Variants in KLHDC10 observed in about 807,000 individuals in gnomAD.
The protein encoded by KLHDC10 is kelch domain containing 10.
KLHDC10 carries 24 observed loss-of-function variants against 56.1 expected under a neutral mutation model. The observed-to-expected ratio is 0.43, with a 90% CI of 0.31 to 0.60. The LOEUF (loss-of-function observed/expected upper bound fraction) is 0.60, where lower values mean the gene tolerates loss of function less well. KLHDC10 is among the 20% of genes least tolerant of loss of function. KLHDC10 has a pLI of 0.11. For synonymous variants in KLHDC10, 188 were observed against 207.1 expected, an observed-to-expected ratio of 0.91 and a Z score of 0.79; for missense variants, 349 against 567.0, an observed-to-expected ratio of 0.62 and a Z score of 3.91.
Position 130,096,953 on chromosome 7 carries a change from A to T in KLHDC10, c.199A>T (p.Arg67Trp). 6.2e-7 allele frequency: 1 copy of T among 1,611,596 alleles called. No individual in the cohort carries two copies. Among genetic ancestry groups the T allele is most frequent in the Non-Finnish European group, 8.5e-7 (1 of 1,178,254 alleles). The change falls in exon 2 of 10, where the codon AGG becomes TGG. Residue 67 changes from arginine to tryptophan, a missense_variant. By Grantham distance (101) the Arg-to-Trp change is moderately radical. Around this residue, in one of 2 missense-constraint regions of KLHDC10, gnomAD observed 104 missense variants for 97.0 expected, o/e 1.07. Coordinates refer to ENST00000335420, the MANE Select transcript of KLHDC10 (RefSeq NM_014997.4). ...KKKIRWDPVR[R>W]RFIQSCPIIR... ...GAAAATACGATGGGACCCAGTTAGG[A>T]GGCGCTTCATTCAGTCCTGTCCCAT...
At chr7:130,080,246 C>T (rs1161831069) in intron 1 of KLHDC10, among the ~76,000 whole-genome samples, 1 of 152,046 alleles carries the variant, frequency 6.6e-6, no homozygotes, top group Non-Finnish European at 1.5e-5. Context: ...CTGGCCCTTC[C>T]TTTCTTTTTC....
chr7:130,077,407 A>C (rs1409526088), intron 1 of KLHDC10, among the ~76,000 whole-genome samples: 1 of 147,106 alleles, frequency 6.8e-6, no homozygotes, highest in Non-Finnish European at 1.5e-5. Flanking sequence ...ATTGTCATTC[A>C]AGTATTGTTT....
intron 4 of KLHDC10, among the ~76,000 whole-genome samples, chr7:130,121,363 T>C (rs966614254): frequency 4.6e-5 from 7 of 152,196 alleles, no homozygotes; most frequent in African/African-American, 1.7e-4. Context: ...GTTCCAGCGC[T>C]TCAAACCTTA....
At chr7:130,102,057 G>C (rs1795938540) in intron 2 of KLHDC10, among the ~76,000 whole-genome samples, 1 of 151,638 alleles carries the variant, frequency 6.6e-6, no homozygotes, top group African/African-American at 2.4e-5. Context: ...AGATGGATGA[G>C]GAGAGTGGAA....
chr7:130,125,729 T>C, intron 6 of KLHDC10, 136 bp from the exon 7 acceptor site: 1 of 664,984 alleles, frequency 1.5e-6, no homozygotes, highest in Non-Finnish European at 2.6e-6. Context: ...GGAAAATCAC[T>C]GTACCTTCTG....
intron 6 of KLHDC10, among the ~76,000 whole-genome samples, chr7:130,124,920 G>A (rs569781328): frequency 4.6e-5 from 7 of 152,258 alleles, no homozygotes; most frequent in African/African-American, 7.2e-5. Flanking sequence ...AGGGTTGCAC[G>A]TCATGAACTT....
intron 2 of KLHDC10, among the ~76,000 whole-genome samples, chr7:130,111,791 A>T (rs908398612): frequency 6.6e-6 from 1 of 152,192 alleles, no homozygotes. Context: ...TAGGCAAAGG[A>T]GATGATCCGG....
At chr7:130,117,849 CAAAAAAAAAAAAA>C (rs60800057) in intron 3 of KLHDC10, among the ~76,000 whole-genome samples, 1 of 73,198 alleles carries the variant, frequency 1.4e-5, no homozygotes, top group African/African-American at 5.1e-5. Flanking sequence ...GACCCTGTCT[CAAAAAAAAAAAAA>C]AAAAAAAAAA....
intron 2 of KLHDC10, among the ~76,000 whole-genome samples, chr7:130,107,957 G>A (rs1796035671): frequency 6.6e-6 from 1 of 151,608 alleles, no homozygotes; most frequent in Admixed American, 6.6e-5. Context: ...GGAGGTTGCA[G>A]TGAGGTGAGA....
rs995151287 is a variant in KLHDC10, at chr7:130,131,045, T to G, written c.*299T>G. ...CCTGAAAGTACCTTAATAATGTTATTAATCAAGACAGATTCCTTTTTAAAG... is the reference window on the plus strand; with the variant it reads ...CCTGAAAGTACCTTAATAATGTTATGAATCAAGACAGATTCCTTTTTAAAG... On this transcript the variant is annotated 3_prime_UTR_variant, in exon 10 of 10. Transcript: ENST00000335420. The G allele has an allele frequency of 1.5e-5, 4 of 268,358 alleles. No homozygotes were observed. The highest frequency in any genetic ancestry group is 8.5e-5 in the African/African-American group (4 of 47,072). The allele number at this position is 268,358 out of a possible 1,614,324, so 16.6% of individuals were successfully genotyped here.
At chr7:130,107,584 C>G (rs1191175511) in intron 2 of KLHDC10, among the ~76,000 whole-genome samples, 1 of 152,080 alleles carries the variant, frequency 6.6e-6, no homozygotes, top group African/African-American at 2.4e-5. Context: ...TGGTTCACGC[C>G]TGTAATCCCA....
intron 1 of KLHDC10, among the ~76,000 whole-genome samples, chr7:130,085,333 A>G (rs1350587539): frequency 2.0e-5 from 3 of 149,500 alleles, no homozygotes; most frequent in Non-Finnish European, 4.5e-5. Context: ...ACTCCATCTC[A>G]GAAAAAAAAA....
At position 130,128,127 on chromosome 7, in the gene KLHDC10, C is replaced by T. The variant is rs139461037; in HGVS notation, c.979+676C>T. On this transcript the variant is annotated intron_variant, in intron 8 of 9. Transcript: ENST00000335420. ...TTCAGATACAACTAGGATTATTCTG[C>T]CATCTCTAGTTCAGAGGGATTTTTT... 2.8e-3 allele frequency among the ~76,000 whole-genome samples: 419 copies of T among 152,334 alleles called. 2 individuals are homozygous for T. The highest frequency in any genetic ancestry group is 9.4e-3 in the African/African-American group (392 of 41,584).
intron 1 of KLHDC10, among the ~76,000 whole-genome samples, chr7:130,082,639 C>A (rs577821780): frequency 2.6e-5 from 4 of 152,216 alleles, no homozygotes; most frequent in Admixed American, 2.6e-4. Flanking sequence ...TTTTACTTCT[C>A]TCTGTTACAG....
chr7:130,077,057 C>T (rs1795514241), intron 1 of KLHDC10, among the ~76,000 whole-genome samples: 1 of 151,930 alleles, frequency 6.6e-6, no homozygotes, highest in Non-Finnish European at 1.5e-5. Context: ...TCTTTATGTT[C>T]AAGAACAGTA....
At chr7:130,109,915 A>G (rs979536809) in intron 2 of KLHDC10, among the ~76,000 whole-genome samples, 12 of 152,212 alleles carry the variant, frequency 7.9e-5, no homozygotes, top group Admixed American at 2.0e-4. Context: ...CTGGGATTAC[A>G]GGCATGACCC....
Position 130,116,497 on chromosome 7 carries a change from C to T in KLHDC10, c.306C>T (p.Thr102=). 1 of 1,614,126 alleles carries T rather than the reference C, an allele frequency of 6.2e-7. No individual in the cohort carries two copies. The highest frequency in any genetic ancestry group is 8.5e-7 in the Non-Finnish European group (1 of 1,180,018). ...GACATCGTTGTGTGGCAGATAATAC[C>T]AACCTATATGTGTTTGGAGGTTATA... ...RSGHRCVADN[T]NLYVFGGYNP... is the part of the protein sequence containing the mutation. Residue 102 remains threonine, a synonymous_variant, in exon 3 of 10, where the codon ACC becomes ACT. Transcript: ENST00000335420. This position sits in a 1 kb window ranked among gnomAD's most constrained non-coding sequence, Gnocchi z 4.8.
At chr7:130,085,552 C>T (rs2116852836) in intron 1 of KLHDC10, among the ~76,000 whole-genome samples, 1 of 150,740 alleles carries the variant, frequency 6.6e-6, no homozygotes, top group South Asian at 2.1e-4. Flanking sequence ...ATGGTAGACT[C>T]AGCCGGGTGC....
intron 5 of KLHDC10, among the ~76,000 whole-genome samples, chr7:130,123,864 A>G (rs1796281876): frequency 6.6e-6 from 1 of 152,218 alleles, no homozygotes; most frequent in African/African-American, 2.4e-5. Flanking sequence ...GCTTTTAGCT[A>G]GACTGCCTGG....
Sources: allele counts gnomAD v4.1 joint callset (sites outside exome capture counted in the v4.1 genomes callset), GRCh38; gene constraint gnomAD v4.1.1; regional missense constraint gnomAD v4.1.1; non-coding constraint Gnocchi (gnomAD v3.1); transcripts MANE v1.5; gene names NCBI Gene and HGNC (gene_info 2026-07-23, HGNC 2026-07-21).